The following SNX25 variants were observed in gnomAD, a reference collection of about 807,000 sequenced individuals.
The protein encoded by SNX25 is sorting nexin-25.
Under a neutral mutation model 113.7 loss-of-function variants are expected in SNX25, and 62 were observed. The ratio of observed to expected loss-of-function variants is 0.55; its 90% CI spans 0.44 to 0.67. SNX25 has a LOEUF of 0.67. Among genes scored for constraint, SNX25 ranks in the 30% least tolerant of loss-of-function variants. SNX25 has a pLI of 0.00. For synonymous variants in SNX25, 421 were observed against 436.2 expected (o/e 0.97, Z 0.43); for missense variants, 1,014 against 1,161.0 (o/e 0.87, Z 1.84).
intron 5 of SNX25, among the ~76,000 whole-genome samples, chr4:185,281,852 C>T (rs1049432381): frequency 2.0e-5 from 3 of 151,920 alleles, no homozygotes; most frequent in Non-Finnish European, 2.9e-5. Flanking sequence ...GTCATCTCTA[C>T]GAAAAATACA....
chr4:185,207,509 C>T (rs370411755), upstream of SNX25, among the ~76,000 whole-genome samples: 10 of 152,110 alleles, frequency 6.6e-5, no homozygotes, highest in African/African-American at 1.2e-4. Context: ...TGAGCCACCA[C>T]GCCTGGCCAA....
chr4:185,320,764 C>G lies in SNX25; in HGVS notation c.1376C>G (p.Thr459Arg). The G allele has an allele frequency of 1.3e-6, 2 of 1,570,214 alleles. No individual in the cohort carries two copies. The highest frequency in any genetic ancestry group is 1.7e-6 in the Non-Finnish European group (2 of 1,161,410). The change falls in exon 8 of 19, where the codon ACG (threonine) becomes AGG (arginine). Residue 459 changes from threonine (T) to arginine (R), a missense_variant. By Grantham distance (71) the Thr-to-Arg change is moderately conservative. Coordinates refer to ENST00000652585, the MANE Select transcript of SNX25 (RefSeq NM_001378034.2). ...ILQFEDILANTFYREHFGMYM... is the reference protein window; with the variant it reads ...ILQFEDILANRFYREHFGMYM... ...CAGTTTGAAGATATCTTGGCCAATA[C>G]GTTCTACCGAGAGCACTTTGGAATG...
chr4:185,253,927 G>A (rs7699267), intron 2 of SNX25, among the ~76,000 whole-genome samples: 51,697 of 152,204 alleles, frequency 0.34, 10,656 homozygotes, highest in East Asian at 0.57. Context: ...CAAGGTCATT[G>A]TCAAAGTATA....
chr4:185,240,884 G>T (rs565469739), intron 1 of SNX25, among the ~76,000 whole-genome samples: 1 of 151,200 alleles, frequency 6.6e-6, no homozygotes, highest in Non-Finnish European at 1.5e-5. Flanking sequence ...CAGACGGGGC[G>T]GCAGGGCAGA....
chr4:185,223,860 G>T (rs1740408553), intron 1 of SNX25, among the ~76,000 whole-genome samples: 1 of 152,080 alleles, frequency 6.6e-6, no homozygotes, highest in Non-Finnish European at 1.5e-5. Context: ...GAGATATTTT[G>T]TCATTTTTCA....
At chr4:185,303,212 A>G (rs1403365514) in intron 6 of SNX25, among the ~76,000 whole-genome samples, 1 of 152,104 alleles carries the variant, frequency 6.6e-6, no homozygotes, top group Non-Finnish European at 1.5e-5. Context: ...GTATATCTCA[A>G]ATCTGCTCAG....
At chr4:185,344,359 A>AATT (rs2095274490) in intron 12 of SNX25, among the ~76,000 whole-genome samples, 1 of 152,130 alleles carries the variant, frequency 6.6e-6, no homozygotes, top group African/African-American at 2.4e-5. Context: ...GCTCGTCTTG[A>AATT]ATTATTGTTC....
chr4:185,250,999 G>C (rs896262035), intron 2 of SNX25, among the ~76,000 whole-genome samples: 1 of 151,896 alleles, frequency 6.6e-6, no homozygotes, highest in Admixed American at 6.6e-5. Flanking sequence ...GTTTTGTTGT[G>C]TGTGTGTGTG....
chr4:185,208,552 AC>A (rs1382953282), upstream of SNX25, among the ~76,000 whole-genome samples: 2 of 151,202 alleles, frequency 1.3e-5, no homozygotes, highest in Non-Finnish European at 2.9e-5. Flanking sequence ...ATATGGTGAA[AC>A]CCCGTCTCTA....
At chr4:185,260,523 T>G (rs1258976522) in intron 3 of SNX25, among the ~76,000 whole-genome samples, 1 of 152,172 alleles carries the variant, frequency 6.6e-6, no homozygotes, top group Non-Finnish European at 1.5e-5. Context: ...TTTTTTTTCC[T>G]CAGGAGAGCC....
At chr4:185,345,371 A>T (rs1306772523) in intron 12 of SNX25, among the ~76,000 whole-genome samples, 1 of 152,208 alleles carries the variant, frequency 6.6e-6, no homozygotes, top group Non-Finnish European at 1.5e-5. Context: ...TGTTGTAAGC[A>T]TGAAATAACA....
At chr4:185,362,589 G>A in intron 17 of SNX25, 22 bp from the exon 18 acceptor site, 1 of 1,606,456 alleles carries the variant, frequency 6.2e-7, no homozygotes. Flanking sequence ...TAGCAGCATA[G>A]AATCTACACT....
chr4:185,268,458 A>G (rs1748451911), intron 5 of SNX25, among the ~76,000 whole-genome samples: 1 of 152,130 alleles, frequency 6.6e-6, no homozygotes, highest in Admixed American at 6.5e-5. Context: ...ATTATATAGT[A>G]TTATCTAGTT....
downstream of SNX25, chr4:185,367,305 T>A: frequency 9.0e-7 from 1 of 1,115,276 alleles, no homozygotes; most frequent in Non-Finnish European, 1.2e-6. Flanking sequence ...TCTTTCTTCT[T>A]TTTTTTTTTT....
intron 16 of SNX25, 66 bp downstream of exon 16, chr4:185,357,803 T>C: frequency 1.6e-6 from 2 of 1,284,524 alleles, no homozygotes; most frequent in Non-Finnish European, 2.3e-6. Flanking sequence ...TCAAATTACC[T>C]TATGATCTAG....
In SNX25 at chr4:185,336,895, C is replaced by A. The variant is rs1161548253; in HGVS notation, c.1915-2484C>A. On this transcript the variant is annotated intron_variant, in intron 10 of 18. Transcript: ENST00000652585. ...GGTATCGCATTGTGGTTTTGATTTG[C>A]ATTTCCCTGATGATTAGTGATGTTG... is the stretch of plus-strand genomic sequence containing the variant. 2.0e-5 allele frequency among the ~76,000 whole-genome samples: 3 copies of A among 152,148 alleles called. No homozygotes were observed. The East Asian group carries it at 5.8e-4, about 29-fold the overall frequency.
chr4:185,222,298 C>G (rs1740066825), intron 1 of SNX25, among the ~76,000 whole-genome samples: 1 of 149,916 alleles, frequency 6.7e-6, no homozygotes, highest in Admixed American at 6.6e-5. Flanking sequence ...TATACAGCAC[C>G]ATATACTCCT....
intron 2 of SNX25, among the ~76,000 whole-genome samples, chr4:185,249,176 G>A (rs1300068794): frequency 6.6e-6 from 1 of 152,148 alleles, no homozygotes; most frequent in African/African-American, 2.4e-5. Flanking sequence ...GAATTGCTGA[G>A]CCATAGGATA....
intron 7 of SNX25, among the ~76,000 whole-genome samples, chr4:185,318,378 G>A (rs1579766542): frequency 1.3e-5 from 2 of 152,182 alleles, no homozygotes; most frequent in East Asian, 3.8e-4. Context: ...GTCATCTGCT[G>A]TATTACAGCA....
Sources: gnomAD v4.1 joint callset for allele counts (sites outside exome capture counted in the v4.1 genomes callset) on GRCh38, gnomAD v4.1.1 for gene constraint, MANE v1.5 for transcripts, NCBI Gene and HGNC (gene_info 2026-07-23, HGNC 2026-07-21) for gene names.